Variants in HAUS7 observed in about 807,000 individuals in gnomAD.
HAUS7 encodes HAUS augmin like complex subunit 7, also known as HAUS augmin-like complex subunit 7.
Under a neutral mutation model 28.4 loss-of-function variants are expected in HAUS7, and 3 were observed. The observed-to-expected ratio is 0.11, with a 90% CI of 0.05 to 0.27. The LOEUF is 0.27. Among genes scored for constraint, HAUS7 ranks in the 10% least tolerant of loss-of-function variants. HAUS7 has a pLI of 1.00. For synonymous variants in HAUS7, 165 were observed against 132.1 expected (o/e 1.25, Z -1.71); for missense variants, 284 against 297.3 (o/e 0.96, Z 0.33).
intron 1 of HAUS7, among the ~76,000 whole-genome samples, chrX:153,492,323 G>C (rs1266479624): frequency 3.6e-5 from 4 of 112,286 alleles, no homozygotes; most frequent in Non-Finnish European, 1.9e-5. Context: ...GGGAGTGGGA[G>C]GGGGAGCAGA....
At chrX:153,491,251 C>G (rs2089669347) in intron 1 of HAUS7, among the ~76,000 whole-genome samples, 1 of 112,094 alleles carries the variant, frequency 8.9e-6, no homozygotes. Flanking sequence ...AGGCTCTGCC[C>G]TCTAGGACTC....
intron 1 of HAUS7, chrX:153,479,486 A>T: frequency 1.9e-6 from 1 of 534,473 alleles, no homozygotes. Flanking sequence ...CATGGCCCTG[A>T]GAGAGCCCTC....
At position 153,455,735 on chromosome X, in the gene HAUS7, G is replaced by A. The variant is rs1190920582; in HGVS notation, c.737C>T (p.Ala246Val). ...TAGGGTGCTGATGTCGGCTGCGCCC[G>A]CAGCAGCCCCTTGCTCATGCTGTGC... ...YFAQHEQGAA[A>V]GAADISTLDQ... Residue 246 changes from alanine (A) to valine (V), a missense_variant, in exon 8 of 10, where the codon GCG (alanine) becomes GTG (valine). Transcript: ENST00000370211. 8.3e-6 allele frequency: 10 copies of A among 1,197,761 alleles called. No homozygotes were observed. Among genetic ancestry groups the A allele is most frequent in the African/African-American group, 1.7e-5 (1 of 57,579 alleles).
At chrX:153,456,135 GCAC>G (rs1222349603) in intron 7 of HAUS7, 127 bp downstream of exon 7, 3 of 525,999 alleles carry the variant, frequency 5.7e-6, no homozygotes, top group Non-Finnish European at 9.8e-6. Context: ...CGCGGACTGA[GCAC>G]CACAGTATTC....
upstream of HAUS7, among the ~76,000 whole-genome samples, chrX:153,471,667 C>T (rs1602945773): frequency 8.9e-6 from 1 of 112,600 alleles, no homozygotes; most frequent in Non-Finnish European, 1.9e-5. Flanking sequence ...CCTGCCATCT[C>T]CTGGAGGGTG....
chrX:153,488,272 C>G (rs1726373850), intron 1 of HAUS7, among the ~76,000 whole-genome samples: 1 of 113,271 alleles, frequency 8.8e-6, no homozygotes, highest in Non-Finnish European at 1.9e-5. Flanking sequence ...ATTCCCCGGC[C>G]TTTCTCTACC....
chrX:153,467,766 C>T (rs1187917600), intron 2 of HAUS7, among the ~76,000 whole-genome samples: 1 of 112,685 alleles, frequency 8.9e-6, no homozygotes, highest in African/African-American at 3.2e-5. Context: ...CACCATGCTG[C>T]GGCTCCCATA....
rs143928059 is a variant in HAUS7, at chrX:153,452,386, A to G, written c.1045+2008T>C. ...AATATAAAAATGTGTACCAATGTAC[A>G]CATTTAATACAGCTTCATTCTAATG... On this transcript the variant is annotated intron_variant, in intron 9 of 9. Transcript: ENST00000370211. 5.1e-4 allele frequency among the ~76,000 whole-genome samples: 58 copies of G among 112,691 alleles called. No individual in the cohort carries two copies. The East Asian group carries it at 0.015, about 29-fold the overall frequency.
intron 4 of HAUS7, among the ~76,000 whole-genome samples, chrX:153,460,918 C>T (rs1250640953): frequency 3.6e-5 from 4 of 112,475 alleles, no homozygotes; most frequent in Non-Finnish European, 5.6e-5. Context: ...GGAGAGGAAA[C>T]GGCTCAAGAA....
intron 9 of HAUS7, among the ~76,000 whole-genome samples, 183 bp downstream of exon 9, chrX:153,454,211 G>A (rs1556981505): frequency 8.9e-6 from 1 of 112,477 alleles, no homozygotes; most frequent in African/African-American, 3.2e-5. Flanking sequence ...TTTCTACGAT[G>A]AGCGTTTTCA....
At chrX:153,482,808 T>A in intron 1 of HAUS7, 2 of 718,988 alleles carry the variant, frequency 2.8e-6, no homozygotes, top group Non-Finnish European at 3.3e-6. Flanking sequence ...TGCAGCCTGC[T>A]CTATCTGAGG....
intron 1 of HAUS7, among the ~76,000 whole-genome samples, chrX:153,477,354 C>T (rs2089568991): frequency 8.8e-6 from 1 of 113,318 alleles, no homozygotes; most frequent in Non-Finnish European, 1.9e-5. Context: ...GGGGGAGGGG[C>T]GGAGCCGGGG....
chrX:153,478,999 G>A (rs912015835), intron 1 of HAUS7, among the ~76,000 whole-genome samples: 8 of 111,878 alleles, frequency 7.2e-5, no homozygotes, highest in African/African-American at 1.3e-4. Flanking sequence ...GGGCAGGACC[G>A]TCCGGTCTGA....
chrX:153,470,721 C>T (rs1478829227), upstream of HAUS7: 7 of 729,761 alleles, frequency 9.6e-6, no homozygotes, highest in African/African-American at 1.5e-4. Flanking sequence ...CCCCGGGCTC[C>T]CACCCCCCGC....
At chrX:153,448,533 TAA>T (rs1237341287) in intron 9 of HAUS7, among the ~76,000 whole-genome samples, 2 of 109,451 alleles carry the variant, frequency 1.8e-5, no homozygotes, top group African/African-American at 6.6e-5. Flanking sequence ...CCCTAGAACT[TAA>T]AGTATAATAA....
chrX:153,473,570 A>AGTGTGTGCGT (rs781942344), upstream of HAUS7, among the ~76,000 whole-genome samples: 2 of 113,045 alleles, frequency 1.8e-5, no homozygotes, highest in East Asian at 2.8e-4. Context: ...AGACAAGGCA[A>AGTGTGTGCGT]GTGTGTGCGT....
intron 1 of HAUS7, among the ~76,000 whole-genome samples, chrX:153,488,266 C>G (rs1336038773): frequency 8.8e-6 from 1 of 113,280 alleles, no homozygotes; most frequent in African/African-American, 3.2e-5. Context: ...CTTCCCATTC[C>G]CCGGCCTTTC....
intron 4 of HAUS7, among the ~76,000 whole-genome samples, chrX:153,457,582 C>T (rs2089331444): frequency 8.8e-6 from 1 of 113,221 alleles, no homozygotes; most frequent in South Asian, 3.6e-4. Context: ...CACAGGGACA[C>T]CTCCAGGACA....
chrX:153,455,281 G>A (rs2089291109), intron 8 of HAUS7: 1 of 440,123 alleles, frequency 2.3e-6, no homozygotes, highest in African/African-American at 2.5e-5. Context: ...CCCCACACCG[G>A]ATCTGGGCCT....
Sources: allele counts gnomAD v4.1 joint callset (sites outside exome capture counted in the v4.1 genomes callset), GRCh38; gene constraint gnomAD v4.1.1; transcripts MANE v1.5; gene names NCBI Gene and HGNC (gene_info 2026-07-23, HGNC 2026-07-21).